The following NTM variants were observed in gnomAD, a reference collection of about 807,000 sequenced individuals.
The protein encoded by NTM is IgLON family member 2.
In NTM, 13 loss-of-function variants were observed where a neutral mutation model predicts 42.1. That is an observed-to-expected ratio of 0.31 (90% confidence interval 0.20 to 0.49). The LOEUF is 0.49. Among genes scored for constraint, NTM ranks in the 20% least tolerant of loss-of-function variants. NTM has a pLI of 0.99. For synonymous variants in NTM, 187 were observed against 179.2 expected, an observed-to-expected ratio of 1.04 and a Z score of -0.35; for missense variants, 373 against 452.8, an observed-to-expected ratio of 0.82 and a Z score of 1.60.
chr11:132,265,753 T>G (rs1353804595), intron 4 of NTM, among the ~76,000 whole-genome samples: 3 of 152,256 alleles, frequency 2.0e-5, no homozygotes, highest in Admixed American at 2.0e-4. Flanking sequence ...TTTCAAGCAT[T>G]TTTTTTATGT....
At chr11:132,084,473 A>G (rs563260990) in intron 2 of NTM, among the ~76,000 whole-genome samples, 1 of 152,290 alleles carries the variant, frequency 6.6e-6, no homozygotes, top group Non-Finnish European at 1.5e-5. Flanking sequence ...AATCCTGTTC[A>G]TCTCTCATCT....
chr11:132,101,608 C>T (rs1315282848), intron 2 of NTM, among the ~76,000 whole-genome samples: 1 of 144,738 alleles, frequency 6.9e-6, no homozygotes, highest in African/African-American at 2.6e-5. Flanking sequence ...ATGTGAATAT[C>T]TATGATGTAA....
chr11:132,123,350 C>T (rs1231463543), intron 2 of NTM, among the ~76,000 whole-genome samples: 6 of 152,132 alleles, frequency 3.9e-5, no homozygotes, highest in African/African-American at 9.7e-5. Flanking sequence ...GGTAAACCTA[C>T]GTGCTTTCTA....
intron 1 of NTM, among the ~76,000 whole-genome samples, chr11:131,565,732 G>T (rs986071025): frequency 4.6e-5 from 7 of 152,132 alleles, no homozygotes; most frequent in African/African-American, 1.7e-4. Flanking sequence ...TCTGCAAAGG[G>T]CCCTGAGATC....
chr11:131,729,150 T>C (rs1380782414), intron 1 of NTM, among the ~76,000 whole-genome samples: 3 of 152,236 alleles, frequency 2.0e-5, no homozygotes, highest in Non-Finnish European at 4.4e-5. Flanking sequence ...CCTGAGTTTT[T>C]TTTATCTGCT....
At chr11:132,262,596 G>A (rs1326595995) in intron 4 of NTM, among the ~76,000 whole-genome samples, 2 of 152,048 alleles carry the variant, frequency 1.3e-5, no homozygotes, top group Non-Finnish European at 2.9e-5. Context: ...TTCTTACGAG[G>A]ACTTTAATTC....
intron 2 of NTM, among the ~76,000 whole-genome samples, chr11:132,092,228 G>A (rs980436238): frequency 6.6e-6 from 1 of 152,156 alleles, no homozygotes; most frequent in Non-Finnish European, 1.5e-5. Context: ...TCCAAATTCT[G>A]TTCTGTCTCT....
intron 1 of NTM, among the ~76,000 whole-genome samples, chr11:131,636,386 C>T (rs939369382): frequency 2.0e-5 from 3 of 152,192 alleles, no homozygotes; most frequent in African/African-American, 4.8e-5. Flanking sequence ...GCTACTCAGG[C>T]CCAGCGTTCC....
At chr11:132,329,992 G>T (rs2095766773) in intron 7 of NTM, 161 bp from the exon 8 acceptor site, 1 of 722,014 alleles carries the variant, frequency 1.4e-6, no homozygotes. Flanking sequence ...GGTCACATAG[G>T]AGGGCTGGGC....
chr11:131,982,005 C>T (rs1593379103), intron 2 of NTM, among the ~76,000 whole-genome samples: 1 of 151,748 alleles, frequency 6.6e-6, no homozygotes, highest in Non-Finnish European at 1.5e-5. Context: ...GAGCGGGACT[C>T]CATCTCAAAA....
intron 2 of NTM, among the ~76,000 whole-genome samples, chr11:132,065,074 G>A (rs1191453057): frequency 6.6e-6 from 1 of 152,186 alleles, no homozygotes; most frequent in Non-Finnish European, 1.5e-5. Context: ...CTGTGCACAG[G>A]AGTGCAGGGC....
intron 1 of NTM, among the ~76,000 whole-genome samples, chr11:131,512,277 T>C (rs1565584480): frequency 6.6e-6 from 1 of 152,170 alleles, no homozygotes; most frequent in Non-Finnish European, 1.5e-5. Context: ...TTCTTTTGTC[T>C]CTCATTTGTT....
At position 131,645,839 on chromosome 11, in the gene NTM, C is replaced by CAGCT. The variant is rs770338688; in HGVS notation, c.83-265723_83-265720dup. ...ATATGGAGCATATGGAATGGATGCA[C>CAGCT]AGCTAATGTTGGGGTTGAATCAAGA... On this transcript the variant is annotated intron_variant, in intron 1 of 8. Transcript: ENST00000683400. Among the ~76,000 whole-genome samples the CAGCT allele has an allele frequency of 4.7e-4, 72 of 152,190 alleles. 1 individual carries two copies. The highest frequency in any genetic ancestry group is 7.6e-4 in the Non-Finnish European group (52 of 68,038).
intron 1 of NTM, among the ~76,000 whole-genome samples, chr11:131,636,515 G>T (rs554034877): frequency 1.3e-5 from 2 of 152,172 alleles, no homozygotes; most frequent in Admixed American, 1.3e-4. Context: ...CTGTGGACAC[G>T]GAGGGTCAAC....
intron 7 of NTM, among the ~76,000 whole-genome samples, chr11:132,325,918 C>CA (rs1441196048): frequency 2.0e-5 from 3 of 148,028 alleles, no homozygotes; most frequent in Non-Finnish European, 4.4e-5. Context: ...ATCGCAAGGA[C>CA]AAAAAACCAA....
chr11:132,233,871 T>C (rs1233158387), intron 4 of NTM, among the ~76,000 whole-genome samples: 1 of 152,248 alleles, frequency 6.6e-6, no homozygotes, highest in East Asian at 1.9e-4. Flanking sequence ...GCAATGAGGA[T>C]AGTTCTCACA....
At chr11:132,179,760 T>A (rs2077291677) in intron 3 of NTM, among the ~76,000 whole-genome samples, 1 of 152,148 alleles carries the variant, frequency 6.6e-6, no homozygotes. Flanking sequence ...GTGGAATGTA[T>A]CTTTACCAGC....
chr11:131,474,914 G>A (rs1952780204), intron 1 of NTM, among the ~76,000 whole-genome samples: 1 of 152,148 alleles, frequency 6.6e-6, no homozygotes, highest in Admixed American at 6.5e-5. Flanking sequence ...GCTGCTTTAT[G>A]TCACAACGAA....
intron 4 of NTM, among the ~76,000 whole-genome samples, chr11:132,237,761 G>A (rs1200969509): frequency 6.6e-5 from 10 of 152,202 alleles, no homozygotes; most frequent in Non-Finnish European, 1.2e-4. Context: ...TCCGTAGCCA[G>A]AGGAAATCTG....
Sources: gnomAD v4.1 joint callset for allele counts (sites outside exome capture counted in the v4.1 genomes callset) on GRCh38, gnomAD v4.1.1 for gene constraint, MANE v1.5 for transcripts, NCBI Gene and HGNC (gene_info 2026-07-23, HGNC 2026-07-21) for gene names.